STK17A: variants seen among roughly 807,000 people sequenced by gnomAD.
STK17A encodes the protein serine/threonine kinase 17a.
In STK17A, 26 loss-of-function variants were observed where a neutral mutation model predicts 43.7. The observed-to-expected ratio is 0.60, with a 90% CI of 0.44 to 0.83. The LOEUF (loss-of-function observed/expected upper bound fraction) is 0.83. STK17A is among the 40% of genes least tolerant of loss of function. The pLI is 0.00. For synonymous variants in STK17A, 191 were observed against 182.5 expected, an observed-to-expected ratio of 1.05 and a Z score of -0.38; for missense variants, 476 against 511.6, an observed-to-expected ratio of 0.93 and a Z score of 0.67.
At chr7:43,608,154 T>C (rs1224247653) in intron 2 of STK17A, 102 bp from the exon 3 acceptor site, 16 of 1,156,926 alleles carry the variant, frequency 1.4e-5, no homozygotes, top group Non-Finnish European at 1.8e-5. Context: ...AAAAAAGGTA[T>C]ACAGTTACTG....
chr7:43,588,648 C>T (rs756756525), intron 1 of STK17A, among the ~76,000 whole-genome samples: 1 of 151,324 alleles, frequency 6.6e-6, no homozygotes, highest in Non-Finnish European at 1.5e-5. Context: ...TGAGAGCAGC[C>T]TGGCCAACAT....
intron 2 of STK17A, among the ~76,000 whole-genome samples, chr7:43,604,374 T>C (rs1267405379): frequency 2.0e-5 from 3 of 152,152 alleles, no homozygotes; most frequent in Non-Finnish European, 4.4e-5. Context: ...TTTCACAGTA[T>C]ATATTAGCCC....
rs537301828 is a variant in STK17A, at chr7:43,596,191, T to C, written c.419+78T>C. 4.0e-5 allele frequency: 54 copies of C among 1,341,788 alleles called. No homozygotes were observed. In the East Asian group the frequency reaches 7.3e-4, roughly 18 times the overall value. The allele number at this position is 1,341,788 out of a possible 1,614,324, so 83.1% of individuals were successfully genotyped here. A position where few individuals can be genotyped will look rare whatever the true frequency, so the allele number is the denominator to read the frequency against. On this transcript the variant is annotated intron_variant, in intron 2 of 6. Transcript: ENST00000319357. ...ACGGAATGCCACTCATCTGTGATAA[T>C]GTTGCCAGGCCTGGTTCTCTGGAAA... is the stretch of plus-strand genomic sequence containing the variant.
At chr7:43,597,084 T>TA (rs1350539225) in intron 2 of STK17A, among the ~76,000 whole-genome samples, 1 of 151,914 alleles carries the variant, frequency 6.6e-6, no homozygotes, top group Non-Finnish European at 1.5e-5. Flanking sequence ...CTCGGAAAAA[T>TA]ACCTCTAATA....
At chr7:43,611,478 G>A (rs142117321) in intron 3 of STK17A, among the ~76,000 whole-genome samples, 176 of 152,282 alleles carry the variant, frequency 1.2e-3, no homozygotes, top group African/African-American at 4.1e-3. Flanking sequence ...ACGCTGAGGT[G>A]GCCTGATGTT....
intron 2 of STK17A, among the ~76,000 whole-genome samples, chr7:43,608,025 T>A (rs950731991): frequency 3.9e-5 from 6 of 152,208 alleles, no homozygotes; most frequent in African/African-American, 1.4e-4. Context: ...CTTATACGTG[T>A]AATCCCAACA....
intron 2 of STK17A, among the ~76,000 whole-genome samples, chr7:43,606,999 TC>T: frequency 7.0e-6 from 1 of 142,584 alleles, no homozygotes; most frequent in South Asian, 2.5e-4. Context: ...TCTCGGTTCA[TC>T]CCAACTTCTG....
At chr7:43,610,131 G>A (rs1414287589) in intron 3 of STK17A, among the ~76,000 whole-genome samples, 1 of 152,100 alleles carries the variant, frequency 6.6e-6, no homozygotes, top group African/African-American at 2.4e-5. Flanking sequence ...CGGATCACAA[G>A]GTCAGGAGAT....
chr7:43,601,269 T>G (rs1262911599), intron 2 of STK17A, among the ~76,000 whole-genome samples: 1 of 152,208 alleles, frequency 6.6e-6, no homozygotes, highest in African/African-American at 2.4e-5. Context: ...TTCAATAATT[T>G]CACTTGTAGG....
chr7:43,594,893 A>AAAT (rs34954300), intron 1 of STK17A, among the ~76,000 whole-genome samples: 19,193 of 147,338 alleles, frequency 0.13, 1,613 homozygotes, highest in Non-Finnish European at 0.2. Flanking sequence ...AAAAAAAAGA[A>AAAT]AGAAAGAAAA....
chr7:43,623,927 C>A, intron 6 of STK17A, 39 bp downstream of exon 6: 2 of 1,300,388 alleles, frequency 1.5e-6, no homozygotes, highest in South Asian at 4.5e-5. Context: ...TGAACTAATT[C>A]AATATTAAAA....
chr7:43,597,804 A>C (rs1218750546), intron 2 of STK17A, among the ~76,000 whole-genome samples: 1 of 152,100 alleles, frequency 6.6e-6, no homozygotes, highest in African/African-American at 2.4e-5. Context: ...GTGGTGGTGC[A>C]TGCCTGTAAT....
At chr7:43,611,721 G>T (rs2082897748) in intron 3 of STK17A, among the ~76,000 whole-genome samples, 1 of 152,150 alleles carries the variant, frequency 6.6e-6, no homozygotes, top group Non-Finnish European at 1.5e-5. Flanking sequence ...AAATGTTTAT[G>T]CTGTAGCTTC....
chr7:43,597,300 T>C (rs771515768), intron 2 of STK17A, among the ~76,000 whole-genome samples: 15 of 145,068 alleles, frequency 1.0e-4, no homozygotes, highest in Non-Finnish European at 1.9e-4. Flanking sequence ...ATCTTGAAAA[T>C]ATAATTATGG....
chr7:43,583,659 G>A (rs2082418093), intron 1 of STK17A, among the ~76,000 whole-genome samples: 1 of 152,226 alleles, frequency 6.6e-6, no homozygotes, highest in Admixed American at 6.5e-5. Flanking sequence ...CGCCCAGCAA[G>A]CGAGTGGTGG....
chr7:43,610,823 A>G (rs1357472913), intron 3 of STK17A, among the ~76,000 whole-genome samples: 2 of 151,026 alleles, frequency 1.3e-5, no homozygotes, highest in Non-Finnish European at 3.0e-5. Context: ...CACTCTCAAG[A>G]AGGAGTGTAC....
chr7:43,615,161 TTTTTG>T (rs1387355411), intron 3 of STK17A, among the ~76,000 whole-genome samples: 2 of 152,104 alleles, frequency 1.3e-5, no homozygotes, highest in African/African-American at 2.4e-5. Flanking sequence ...GTTACTATAG[TTTTTG>T]TTTTGTTTTT....
rs960907270 is a variant in STK17A at position 43,626,640 on chromosome 7, A to G, written c.*1798A>G. ...ATTAGGCAAATATTTATCTCTCTGA[A>G]AAAATAGGGAGGAGGTGACCAGGAA... On this transcript the variant is annotated 3_prime_UTR_variant, in exon 7 of 7. Transcript: ENST00000319357. 10 of 152,300 alleles carry G rather than the reference A, an allele frequency of 6.6e-5. No individual in the cohort carries two copies. The South Asian group carries it at 1.9e-3, about 28-fold the overall frequency. The allele number at this position is 152,300 out of a possible 1,614,324, so 9.4% of individuals were successfully genotyped here. A position where few individuals can be genotyped will look rare whatever the true frequency, so the allele number is the denominator to read the frequency against.
rs71011933 is a variant in STK17A at position 43,606,916 on chromosome 7, C to CTTTTTTTTTTTTTTT, written c.420-1330_420-1316dup. On this transcript the variant is annotated intron_variant, in intron 2 of 6. Coordinates refer to ENST00000319357, the MANE Select transcript of STK17A (RefSeq NM_004760.3). ...TCACTCAATCTAGCTTTTCGATTTT[C>CTTTTTTTTTTTTTTT]TTTTTTTTTTTTTTTTTTTTTTTTG... Among the ~76,000 whole-genome samples the CTTTTTTTTTTTTTTT allele has an allele frequency of 2.7e-4, 17 of 62,638 alleles. 2 individuals are homozygous for CTTTTTTTTTTTTTTT. Among genetic ancestry groups the CTTTTTTTTTTTTTTT allele is most frequent in the South Asian group, 6.5e-4 (1 of 1,546 alleles). The allele number at this position is 62,638 out of a possible 152,430, so 41.1% of individuals were successfully genotyped here.
Sources: gnomAD v4.1 joint callset for allele counts (sites outside exome capture counted in the v4.1 genomes callset) on GRCh38, gnomAD v4.1.1 for gene constraint, MANE v1.5 for transcripts, NCBI Gene and HGNC (gene_info 2026-07-23, HGNC 2026-07-21) for gene names.